Variants in FBXL7 observed in about 807,000 individuals in gnomAD.
FBXL7 encodes the protein F-box and leucine rich repeat protein 7, also known as F-box/LRR-repeat protein 7.
Under a neutral mutation model 38.3 loss-of-function variants are expected in FBXL7, and 12 were observed. That is an observed-to-expected ratio of 0.31 (90% CI 0.20 to 0.51). The LOEUF is 0.51. Among genes scored for constraint, FBXL7 ranks in the 20% least tolerant of loss-of-function variants. FBXL7 has a pLI of 0.98. For missense variants in FBXL7, 567 were observed against 676.4 expected, an observed-to-expected ratio of 0.84 and a Z score of 1.79; for synonymous variants, 297 against 300.9, an observed-to-expected ratio of 0.99 and a Z score of 0.13.
At chr5:15,899,118 G>T (rs1190702516) in intron 2 of FBXL7, among the ~76,000 whole-genome samples, 3 of 152,114 alleles carry the variant, frequency 2.0e-5, no homozygotes, top group African/African-American at 7.2e-5. Context: ...CCAGGCTGGA[G>T]TGCAATGGTG....
chr5:15,614,207 A>T (rs2126515938), intron 1 of FBXL7, among the ~76,000 whole-genome samples: 1 of 152,312 alleles, frequency 6.6e-6, no homozygotes, highest in Non-Finnish European at 1.5e-5. Context: ...GAGCAAAAAG[A>T]ATTCATCTGT....
chr5:15,864,002 T>G (rs1402704040), intron 2 of FBXL7, among the ~76,000 whole-genome samples: 1 of 151,944 alleles, frequency 6.6e-6, no homozygotes, highest in Non-Finnish European at 1.5e-5. Context: ...TATTGAGGAC[T>G]GTGATGTGCT....
intron 2 of FBXL7, among the ~76,000 whole-genome samples, chr5:15,885,456 C>T (rs1056629064): frequency 6.6e-6 from 1 of 152,192 alleles, no homozygotes; most frequent in Non-Finnish European, 1.5e-5. Context: ...GATGTGATTA[C>T]ACAAGTATAT....
Position 15,937,380 on chromosome 5 carries a change from C to A in FBXL7, c.*194C>A. On this transcript the variant is annotated 3_prime_UTR_variant, in exon 4 of 4. Transcript: ENST00000504595. ...CAAAGAAACGAAGCAAGACAAACAG[C>A]AAACAGGCATTTTGGTCAGGTCATT... The A allele has an allele frequency of 1.5e-6, 1 of 671,400 alleles. No individual in the cohort carries two copies. 41.6% of individuals were successfully genotyped at this position (671,400 alleles called of 1,614,324 possible).
chr5:15,596,369 A>C (rs571758217), intron 1 of FBXL7, among the ~76,000 whole-genome samples: 247 of 152,146 alleles, frequency 1.6e-3, no homozygotes, highest in Non-Finnish European at 2.6e-3. Flanking sequence ...TCCTTTTTTT[A>C]TATGGGTTTT....
intron 2 of FBXL7, among the ~76,000 whole-genome samples, chr5:15,738,578 C>T (rs1476089982): frequency 1.3e-5 from 2 of 152,098 alleles, no homozygotes; most frequent in Admixed American, 6.6e-5. Flanking sequence ...TCAAGAAAAT[C>T]CCCCCTTTTC....
At chr5:15,834,085 AT>A (rs1483509477) in intron 2 of FBXL7, among the ~76,000 whole-genome samples, 1 of 152,104 alleles carries the variant, frequency 6.6e-6, no homozygotes, top group Non-Finnish European at 1.5e-5. Flanking sequence ...TTGTTAGTGT[AT>A]TTTCTTTTTC....
intron 1 of FBXL7, among the ~76,000 whole-genome samples, chr5:15,561,300 T>G (rs1360190978): frequency 6.6e-6 from 1 of 152,186 alleles, no homozygotes. Context: ...ATTCCACATG[T>G]AAGTGAGATC....
intron 2 of FBXL7, among the ~76,000 whole-genome samples, chr5:15,827,880 C>A (rs1738357825): frequency 6.6e-6 from 1 of 152,204 alleles, no homozygotes; most frequent in Non-Finnish European, 1.5e-5. Context: ...CAATTGGTAA[C>A]ACCTGCTGTG....
intron 2 of FBXL7, among the ~76,000 whole-genome samples, chr5:15,667,950 T>C (rs1174527161): frequency 2.0e-5 from 3 of 152,200 alleles, no homozygotes; most frequent in Non-Finnish European, 2.9e-5. Flanking sequence ...ATCTTAGAAA[T>C]GTTGACAGTA....
Position 15,615,447 on chromosome 5 carries a change from G to T in FBXL7, c.38-536G>T, listed in dbSNP as rs556107684. ...CCCTTGAACAGAAAAATCATCTCCA[G>T]TTGAGAACTGCTGCATTCGAAAAAT... On this transcript the variant is annotated intron_variant, in intron 1 of 3. Transcript: ENST00000504595. 2.6e-5 allele frequency among the ~76,000 whole-genome samples: 4 copies of T among 152,310 alleles called. No homozygotes were observed. The East Asian group carries it at 7.7e-4, about 29-fold the overall frequency.
intron 2 of FBXL7, among the ~76,000 whole-genome samples, chr5:15,650,598 C>G (rs1561069632): frequency 1.3e-5 from 2 of 152,228 alleles, no homozygotes; most frequent in South Asian, 2.1e-4. Context: ...ATATTATCCA[C>G]AGTAGAACTT....
rs139379742 is a variant in FBXL7, at chr5:15,861,925, C to T, written c.128-65965C>T. On this transcript the variant is annotated intron_variant, in intron 2 of 3. Coordinates refer to ENST00000504595, the MANE Select transcript of FBXL7 (RefSeq NM_012304.5). ...ATATTTTAATATATGATCAGCCAGA[C>T]TTCATTTAATTGTTTATTAAACATT... 4.6e-5 allele frequency among the ~76,000 whole-genome samples: 7 copies of T among 152,296 alleles called. No homozygotes were observed. The East Asian group carries it at 1.3e-3, about 29-fold the overall frequency.
At chr5:15,698,668 A>T (rs1443104489) in intron 2 of FBXL7, among the ~76,000 whole-genome samples, 1 of 152,224 alleles carries the variant, frequency 6.6e-6, no homozygotes, top group Admixed American at 6.5e-5. Flanking sequence ...TTTCTGTAAG[A>T]GCCACAGAGC....
intron 2 of FBXL7, among the ~76,000 whole-genome samples, chr5:15,903,495 A>C (rs1741280956): frequency 6.6e-6 from 1 of 152,226 alleles, no homozygotes; most frequent in Admixed American, 6.5e-5. Flanking sequence ...GAGAAGGAGT[A>C]GGGAAACCCA....
intron 2 of FBXL7, among the ~76,000 whole-genome samples, chr5:15,891,140 C>T (rs1740886762): frequency 6.6e-6 from 1 of 152,164 alleles, no homozygotes; most frequent in Non-Finnish European, 1.5e-5. Flanking sequence ...TAAAAGGCCT[C>T]CAGTGAAACC....
At chr5:15,553,741 G>A (rs1256518470) in intron 1 of FBXL7, among the ~76,000 whole-genome samples, 2 of 152,226 alleles carry the variant, frequency 1.3e-5, no homozygotes, top group African/African-American at 2.4e-5. Context: ...GGTACACAGG[G>A]TAATTATGCA....
chr5:15,575,917 G>T (rs1277199193), intron 1 of FBXL7, among the ~76,000 whole-genome samples: 1 of 152,004 alleles, frequency 6.6e-6, no homozygotes, highest in African/African-American at 2.4e-5. Context: ...TAAATTATTG[G>T]CAATTGACAT....
chr5:15,687,477 G>C (rs1306953172), intron 2 of FBXL7, among the ~76,000 whole-genome samples: 1 of 152,174 alleles, frequency 6.6e-6, no homozygotes, highest in Non-Finnish European at 1.5e-5. Flanking sequence ...TTCCCAATGA[G>C]TGCTAATTCG....
Sources: allele counts gnomAD v4.1 joint callset (sites outside exome capture counted in the v4.1 genomes callset), GRCh38; gene constraint gnomAD v4.1.1; transcripts MANE v1.5; gene names NCBI Gene and HGNC (gene_info 2026-07-23, HGNC 2026-07-21).